The following RYR2 variants were observed in gnomAD, a reference collection of about 807,000 sequenced individuals.
RYR2 encodes the protein ryanodine receptor 2.
A neutral mutation model predicts 601.1 loss-of-function variants in RYR2; 227 were observed. The observed-to-expected ratio is 0.38, with a 90% CI of 0.34 to 0.42. The LOEUF (loss-of-function observed/expected upper bound fraction) is 0.42. Among genes scored for constraint, RYR2 ranks in the 10% least tolerant of loss-of-function variants. The pLI is 1.00. For missense variants in RYR2, 4,646 were observed against 6,156.5 expected (o/e 0.75, Z 8.21); for synonymous variants, 2,223 against 2,175.1 (o/e 1.02, Z -0.61).
At chr1:237,730,859 T>C (rs1409441596) in intron 77 of RYR2, among the ~76,000 whole-genome samples, 1 of 152,122 alleles carries the variant, frequency 6.6e-6, no homozygotes, top group East Asian at 1.9e-4. Context: ...ATAAAGAGCT[T>C]GTGAGTTCAG....
chr1:237,425,427 C>T (rs541793457), intron 12 of RYR2, among the ~76,000 whole-genome samples: 1 of 151,772 alleles, frequency 6.6e-6, no homozygotes, highest in Admixed American at 6.6e-5. Flanking sequence ...TTTGGGAGGC[C>T]GAGGCAGGTG....
At chr1:237,323,718 G>A (rs956801218) in intron 2 of RYR2, among the ~76,000 whole-genome samples, 2 of 152,172 alleles carry the variant, frequency 1.3e-5, no homozygotes, top group African/African-American at 2.4e-5. Context: ...TAGCCGCAAT[G>A]TACTGCTAAT....
intron 12 of RYR2, among the ~76,000 whole-genome samples, chr1:237,427,658 C>A (rs1706308823): frequency 6.6e-6 from 1 of 151,788 alleles, no homozygotes. Context: ...TGGCATGCAC[C>A]TGTAATCCCA....
In RYR2 at chr1:237,082,001, G is replaced by A. The variant is rs186894248; in HGVS notation, c.48+39432G>A. On this transcript the variant is annotated intron_variant, in intron 1 of 104. Coordinates refer to ENST00000366574, the MANE Select transcript of RYR2 (RefSeq NM_001035.3). ...TTCTTAATGGGGAGAAGAACTTGGTGGGCAAAGACCTCTTTAGAGATGAAG... is the reference window on the plus strand; with the variant it reads ...TTCTTAATGGGGAGAAGAACTTGGTAGGCAAAGACCTCTTTAGAGATGAAG... Among the ~76,000 whole-genome samples, 414 of 152,232 alleles carry A rather than the reference G, an allele frequency of 2.7e-3. 2 individuals are homozygous for A. Among genetic ancestry groups the A allele is most frequent in the African/African-American group, 9.4e-3 (391 of 41,540 alleles).
intron 71 of RYR2, among the ~76,000 whole-genome samples, chr1:237,712,881 G>C (rs1688960215): frequency 6.6e-6 from 1 of 152,140 alleles, no homozygotes; most frequent in African/African-American, 2.4e-5. Context: ...ACATTTGGCT[G>C]CCAAATGGCC....
Position 237,213,047 on chromosome 1 carries a change from C to T in RYR2, c.49-57450C>T, listed in dbSNP as rs559654531. ...TTGGTCTCTCAAAGTGCTGGGATTA[C>T]AGGCGTGAGCCACCACGACCGGCTG... On this transcript the variant is annotated intron_variant, in intron 1 of 104. Coordinates refer to ENST00000366574, the MANE Select transcript of RYR2 (RefSeq NM_001035.3). 1.2e-3 allele frequency among the ~76,000 whole-genome samples: 189 copies of T among 152,180 alleles called. 1 individual carries two copies. Among genetic ancestry groups the T allele is most frequent in the Non-Finnish European group, 2.2e-3 (150 of 68,046 alleles).
chr1:237,674,018 G>A, intron 58 of RYR2, 78 bp from the exon 59 acceptor site: 3 of 1,168,738 alleles, frequency 2.6e-6, no homozygotes, highest in South Asian at 2.9e-5. Flanking sequence ...TTATAGTGTG[G>A]TCCAATTATA....
chr1:237,401,382 C>T (rs147122040), intron 10 of RYR2, among the ~76,000 whole-genome samples: 72 of 152,084 alleles, frequency 4.7e-4, no homozygotes, highest in African/African-American at 8.5e-4. Context: ...AGACCACTTG[C>T]GGTTCTGACC....
chr1:237,413,491 T>C (rs1008490819), intron 10 of RYR2, among the ~76,000 whole-genome samples: 8 of 152,206 alleles, frequency 5.3e-5, no homozygotes, highest in African/African-American at 1.9e-4. Context: ...TAAATCCATA[T>C]AACTTTACAA....
At position 237,828,541 on chromosome 1, in the gene RYR2, G is replaced by A. The variant is rs901465005; in HGVS notation, c.14655+96G>A. 1.3e-5 allele frequency: 10 copies of A among 791,072 alleles called. No homozygotes were observed. The African/African-American group carries it at 1.7e-4, about 14-fold the overall frequency. The allele number at this position is 791,072 out of a possible 1,614,324, so 49.0% of individuals were successfully genotyped here. ...ATAGAATCATGAATGTGGGAAGGAGGAGGGGGAAGGGCACAACTTGTGGTT... is the reference window on the plus strand; with the variant it reads ...ATAGAATCATGAATGTGGGAAGGAGAAGGGGGAAGGGCACAACTTGTGGTT... On this transcript the variant is annotated intron_variant, in intron 102 of 104. Coordinates refer to ENST00000366574, the MANE Select transcript of RYR2 (RefSeq NM_001035.3).
chr1:237,145,208 T>G (rs1673868994), intron 1 of RYR2, among the ~76,000 whole-genome samples: 1 of 151,742 alleles, frequency 6.6e-6, no homozygotes, highest in Non-Finnish European at 1.5e-5. Context: ...ACCCCAGAAC[T>G]TAAAGTATAA....
At chr1:237,553,655 C>T (rs1451524430) in intron 27 of RYR2, among the ~76,000 whole-genome samples, 1 of 151,890 alleles carries the variant, frequency 6.6e-6, no homozygotes, top group Non-Finnish European at 1.5e-5. Context: ...CATATTTAGT[C>T]GACCAATTCA....
chr1:237,468,584 C>A (rs1228792897), intron 16 of RYR2, among the ~76,000 whole-genome samples: 1 of 152,110 alleles, frequency 6.6e-6, no homozygotes, highest in Non-Finnish European at 1.5e-5. Context: ...TCTTCTCATC[C>A]ATTATTTAAT....
chr1:237,794,991 T>G (rs1408865654), intron 95 of RYR2, among the ~76,000 whole-genome samples: 1 of 152,242 alleles, frequency 6.6e-6, no homozygotes, highest in African/African-American at 2.4e-5. Flanking sequence ...CAGGTCTATG[T>G]ACTGATATGT....
intron 33 of RYR2, among the ~76,000 whole-genome samples, chr1:237,594,885 GGTTTTTTTTTTTT>G (rs1675639446): frequency 1.3e-5 from 1 of 79,048 alleles, no homozygotes; most frequent in Non-Finnish European, 2.1e-5. Context: ...AATATCACTG[GGTTTTTTTTTTTT>G]TTTTTTTTTT....
chr1:237,706,266 A>T (rs113536470), intron 67 of RYR2, among the ~76,000 whole-genome samples: 4 of 152,118 alleles, frequency 2.6e-5, no homozygotes, highest in Admixed American at 6.5e-5. Context: ...CAACAAAAAA[A>T]GTTCAGCAAG....
At chr1:237,051,204 T>C (rs1483217216) in intron 1 of RYR2, among the ~76,000 whole-genome samples, 2 of 100,150 alleles carry the variant, frequency 2.0e-5, no homozygotes, top group Non-Finnish European at 3.8e-5. Flanking sequence ...CTTCCCTCCC[T>C]TTCCCTTTCT....
rs779394700 is a variant in RYR2, at chr1:237,783,923, G to A, written c.12211G>A (p.Glu4071Lys). 2 of 1,613,510 alleles carry A rather than the reference G, an allele frequency of 1.2e-6. No homozygotes were observed. Among genetic ancestry groups the A allele is most frequent in the Non-Finnish European group, 1.7e-6 (2 of 1,179,664 alleles). The change falls in exon 90 of 105, where the codon GAG (glutamate) becomes AAG (lysine). Residue 4071 changes from glutamate to lysine, a missense_variant. Glu to Lys is a moderately conservative substitution (Grantham distance 56). Transcript: ENST00000366574. ...AACGGAATTTCTTTTGTCTTGTGCGGAGACGGATGAGAATGAAACCCTCGA... is the reference window on the plus strand; with the variant it reads ...AACGGAATTTCTTTTGTCTTGTGCGAAGACGGATGAGAATGAAACCCTCGA... ...SETEFLLSCA[E>K]TDENETLDYE...
chr1:237,798,375 G>A (rs1659526968), intron 97 of RYR2, among the ~76,000 whole-genome samples: 1 of 151,364 alleles, frequency 6.6e-6, no homozygotes, highest in African/African-American at 2.4e-5. Flanking sequence ...ATTAATTTTT[G>A]GAGGTACCTT....
Sources: allele counts gnomAD v4.1 joint callset (sites outside exome capture counted in the v4.1 genomes callset), GRCh38; gene constraint gnomAD v4.1.1; transcripts MANE v1.5; gene names NCBI Gene and HGNC (gene_info 2026-07-23, HGNC 2026-07-21).